The following PIK3R6 variants were observed in gnomAD, a reference collection of about 807,000 sequenced individuals.
The protein encoded by PIK3R6 is phosphoinositide-3-kinase regulatory subunit 6.
In PIK3R6, 91 loss-of-function variants were observed where a neutral mutation model predicts 84.9. That is an observed-to-expected ratio of 1.07 (90% CI 0.90 to 1.28). The LOEUF (loss-of-function observed/expected upper bound fraction) is 1.28. Ranked by LOEUF, PIK3R6 falls within the 50% of genes most tolerant of loss-of-function variation. The pLI is 0.00. For synonymous variants in PIK3R6, 416 were observed against 411.4 expected (o/e 1.01, Z -0.13); for missense variants, 996 against 985.1 (o/e 1.01, Z -0.15).
At chr17:8,828,474 C>T in intron 11 of PIK3R6, 93 bp downstream of exon 11, 1 of 1,475,796 alleles carries the variant, frequency 6.8e-7, no homozygotes, top group Non-Finnish European at 9.1e-7. Context: ...TCCTGACCCT[C>T]TCTTGCCACC....
intron 8 of PIK3R6, among the ~76,000 whole-genome samples, chr17:8,835,049 G>A (rs1340196518): frequency 1.3e-5 from 2 of 152,192 alleles, no homozygotes; most frequent in Admixed American, 6.5e-5. Context: ...TGTTGGCCAG[G>A]CTGGTCTTGA....
chr17:8,855,515 C>CTA (rs757663728), intron 1 of PIK3R6, among the ~76,000 whole-genome samples: 31 of 152,182 alleles, frequency 2.0e-4, no homozygotes, highest in Non-Finnish European at 3.7e-4. Flanking sequence ...TGAGATCTCA[C>CTA]TATATGCCTA....
At chr17:8,841,709 A>T (rs2088682504) in intron 2 of PIK3R6, among the ~76,000 whole-genome samples, 1 of 152,096 alleles carries the variant, frequency 6.6e-6, no homozygotes, top group Non-Finnish European at 1.5e-5. Flanking sequence ...GGGAAAAAAA[A>T]AAAACCATGA....
At chr17:8,808,877 C>A (rs772983318) in intron 18 of PIK3R6, among the ~76,000 whole-genome samples, 4 of 152,104 alleles carry the variant, frequency 2.6e-5, no homozygotes, top group Non-Finnish European at 4.4e-5. Context: ...AAAGTGTTGT[C>A]TCTGAATTTA....
Position 8,828,622 on chromosome 17 carries a change from C to A in PIK3R6, c.1258G>T (p.Val420Leu). ...VSRLHTARVL[V>L]LGDDRMLGRL... ...CCCAGCATCCTGTCATCTCCGAGCA[C>A]AAGTACCCGGGCTGTGTGCAGCCGG... The change falls in exon 11 of 20, where the codon GTG becomes TTG. Residue 420 changes from valine (V) to leucine (L), a missense_variant. Coordinates refer to ENST00000619866, the MANE Select transcript of PIK3R6 (RefSeq NM_001010855.4). The A allele has an allele frequency of 1.2e-6, 2 of 1,613,504 alleles. No homozygotes were observed. Among genetic ancestry groups the A allele is most frequent in the Non-Finnish European group, 1.7e-6 (2 of 1,179,706 alleles).
chr17:8,822,785 G>T (rs1283928910), intron 15 of PIK3R6, 128 bp from the exon 16 acceptor site: 1 of 1,076,974 alleles, frequency 9.3e-7, no homozygotes, highest in African/African-American at 1.6e-5. Context: ...GGATGGAAAG[G>T]TGACACCTCC....
intron 17 of PIK3R6, among the ~76,000 whole-genome samples, chr17:8,821,432 A>G (rs2087729000): frequency 6.6e-6 from 1 of 152,016 alleles, no homozygotes; most frequent in Non-Finnish European, 1.5e-5. Flanking sequence ...ATTCCAGGAG[A>G]CCAGGGAGCT....
At chr17:8,804,980 A>G (rs2087160452) in intron 18 of PIK3R6, among the ~76,000 whole-genome samples, 1 of 152,220 alleles carries the variant, frequency 6.6e-6, no homozygotes, top group Admixed American at 6.5e-5. Context: ...GAGTGTAGGC[A>G]GGGCTGAGAA....
At chr17:8,827,753 G>C (rs1475186288) in intron 12 of PIK3R6, among the ~76,000 whole-genome samples, 1 of 79,790 alleles carries the variant, frequency 1.3e-5, no homozygotes, top group Non-Finnish European at 2.5e-5. Context: ...GAGAGAGAGA[G>C]AGAGAGAGAG....
At chr17:8,817,573 C>T (rs111977517) in intron 18 of PIK3R6, among the ~76,000 whole-genome samples, 3,449 of 152,024 alleles carry the variant, frequency 0.023, 126 homozygotes, top group African/African-American at 0.076. Context: ...ACCAGGGAGT[C>T]GGAGGTTGCA....
chr17:8,849,285 C>G (rs541153202), intron 2 of PIK3R6, among the ~76,000 whole-genome samples: 1 of 152,344 alleles, frequency 6.6e-6, no homozygotes, highest in African/African-American at 2.4e-5. Flanking sequence ...TAAGCCTAGA[C>G]ACTGGAGCTA....
chr17:8,807,379 T>C (rs1056394053), intron 18 of PIK3R6, among the ~76,000 whole-genome samples: 27 of 152,312 alleles, frequency 1.8e-4, no homozygotes, highest in African/African-American at 6.3e-4. Flanking sequence ...TTGCAGGCCA[T>C]TGACATACAA....
intron 1 of PIK3R6, among the ~76,000 whole-genome samples, chr17:8,858,559 C>T (rs2089199340): frequency 6.6e-6 from 1 of 152,100 alleles, no homozygotes. Flanking sequence ...TCAGGTGATC[C>T]ACCCACCTCG....
rs2068360227 is a variant in PIK3R6 at position 8,844,263 on chromosome 17, T to C, written c.14-4566A>G. Among the ~76,000 whole-genome samples the C allele has an allele frequency of 2.0e-5, 3 of 152,222 alleles. No homozygotes were observed. The highest frequency in any genetic ancestry group is 2.0e-4 in the Admixed American group (3 of 15,284). ...GCAGTTCTGGTGGCTGTAGCCACCGTGGACTGGAGACGACAGACTTTTCCC... is the reference window on the plus strand; with the variant it reads ...GCAGTTCTGGTGGCTGTAGCCACCGCGGACTGGAGACGACAGACTTTTCCC... On this transcript the variant is annotated intron_variant, in intron 2 of 19. Transcript: ENST00000619866. The surrounding 1 kb of genome is among the most constrained non-coding windows in gnomAD (Gnocchi z 4.5).
intron 2 of PIK3R6, among the ~76,000 whole-genome samples, chr17:8,841,119 A>G (rs1439970565): frequency 6.6e-6 from 1 of 151,868 alleles, no homozygotes; most frequent in African/African-American, 2.4e-5. Context: ...TTATTTATTT[A>G]TTTTTTTGAA....
intron 1 of PIK3R6, among the ~76,000 whole-genome samples, chr17:8,856,981 G>T (rs1567613804): frequency 1.5e-5 from 1 of 66,012 alleles, no homozygotes; most frequent in Non-Finnish European, 3.1e-5. Flanking sequence ...CCCCTGCCTG[G>T]AGCACCCTTC....
In PIK3R6 at chr17:8,845,542, T is replaced by A. The variant is rs561757324; in HGVS notation, c.13+4240A>T. ...TGCTTAATCAGTTGTGTAAATTCCT[T>A]ATATATTCTGGATATTAGACCTCTG... On this transcript the variant is annotated intron_variant, in intron 2 of 19. Coordinates refer to ENST00000619866, the MANE Select transcript of PIK3R6 (RefSeq NM_001010855.4). Among the ~76,000 whole-genome samples the A allele has an allele frequency of 2.6e-5, 4 of 152,328 alleles. No homozygotes were observed. In the South Asian group the frequency reaches 8.3e-4, roughly 32 times the overall value.
chr17:8,829,114 CAT>C, intron 10 of PIK3R6, 124 bp from the exon 11 acceptor site: 1 of 918,422 alleles, frequency 1.1e-6, no homozygotes, highest in Non-Finnish European at 1.6e-6. Flanking sequence ...TAAAGACACA[CAT>C]ATGAACATGC....
chr17:8,854,114 T>C (rs1166903485), intron 1 of PIK3R6, among the ~76,000 whole-genome samples: 1 of 152,014 alleles, frequency 6.6e-6, no homozygotes, highest in African/African-American at 2.4e-5. Context: ...AGCCAAACAG[T>C]TTTGAAAATG....
Sources: allele counts gnomAD v4.1 joint callset (sites outside exome capture counted in the v4.1 genomes callset), GRCh38; gene constraint gnomAD v4.1.1; non-coding constraint Gnocchi (gnomAD v3.1); transcripts MANE v1.5; gene names NCBI Gene and HGNC (gene_info 2026-07-23, HGNC 2026-07-21).